WDR17: variants seen among roughly 807,000 people sequenced by gnomAD.
WDR17 encodes the protein WD repeat-containing protein 17.
Under a neutral mutation model 161.7 loss-of-function variants are expected in WDR17, and 143 were observed. The ratio of observed to expected loss-of-function variants is 0.88; its 90% CI spans 0.77 to 1.02. The LOEUF is 1.02. Among genes scored for constraint, WDR17 ranks in the 50% least tolerant of loss-of-function variants. WDR17 has a pLI of 0.00. For synonymous variants in WDR17, 517 were observed against 515.6 expected (o/e 1.00, Z -0.04); for missense variants, 1,469 against 1,520.9 (o/e 0.97, Z 0.57).
At chr4:176,118,594 T>G (rs1311167476) in intron 3 of WDR17, among the ~76,000 whole-genome samples, 3 of 152,162 alleles carry the variant, frequency 2.0e-5, no homozygotes, top group Non-Finnish European at 4.4e-5. Context: ...TTCCACTCTG[T>G]GTCTTTGTTC....
chr4:176,175,780 C>T (rs535016196), intron 26 of WDR17, among the ~76,000 whole-genome samples: 1 of 152,070 alleles, frequency 6.6e-6, no homozygotes, highest in Non-Finnish European at 1.5e-5. Context: ...AGGATGGTCT[C>T]GATCTCCTGA....
chr4:176,122,628 C>T (rs540609082), intron 4 of WDR17, among the ~76,000 whole-genome samples: 11 of 152,086 alleles, frequency 7.2e-5, no homozygotes, highest in Non-Finnish European at 1.6e-4. Flanking sequence ...TATAGCTAGG[C>T]TTCTTACTTT....
intron 2 of WDR17, among the ~76,000 whole-genome samples, chr4:176,115,434 G>GA (rs1005919046): frequency 5.3e-5 from 8 of 151,868 alleles, no homozygotes; most frequent in African/African-American, 1.9e-4. Context: ...AAGTATAAGT[G>GA]AAAAATTGCA....
intron 26 of WDR17, 89 bp downstream of exon 26, chr4:176,174,807 A>C: frequency 1.4e-6 from 1 of 727,338 alleles, no homozygotes; most frequent in South Asian, 2.4e-5. Context: ...CAAAGTATCA[A>C]ATATATTATT....
intron 26 of WDR17, among the ~76,000 whole-genome samples, chr4:176,175,657 A>T (rs970548737): frequency 3.3e-5 from 5 of 152,076 alleles, no homozygotes; most frequent in African/African-American, 1.2e-4. Context: ...TCCCAAGTTC[A>T]CACCATTCTC....
Position 176,097,046 on chromosome 4 carries a change from C to A in WDR17, c.-6-14529C>A, listed in dbSNP as rs960632585. On this transcript the variant is annotated intron_variant, in intron 1 of 28. Coordinates refer to ENST00000508596, the MANE Select transcript of WDR17 (RefSeq NM_181265.4). The stretch of plus-strand genomic sequence containing the variant: ...ATGTTGCATCTGATAAATTTTTAGG[C>A]GGTTAATTAATTATGTTTGAAAACA... Among the ~76,000 whole-genome samples the A allele has an allele frequency of 3.3e-5, 5 of 151,646 alleles. No homozygotes were observed. In the South Asian group the frequency reaches 6.2e-4, roughly 19 times the overall value.
chr4:176,107,513 A>T (rs865808852), intron 1 of WDR17, among the ~76,000 whole-genome samples: 1 of 151,228 alleles, frequency 6.6e-6, no homozygotes, highest in South Asian at 2.1e-4. Context: ...TGTAATAGCT[A>T]AAACATGGAA....
chr4:176,149,959 A>G lies in WDR17; in HGVS notation c.2047+3A>G, dbSNP rs368508667. 15 of 1,612,190 alleles carry G rather than the reference A, an allele frequency of 9.3e-6. No homozygotes were observed. The highest frequency in any genetic ancestry group is 2.2e-5 in the South Asian group (2 of 90,284). On this transcript the variant is annotated splice_donor_region_variant and intron_variant, in intron 14 of 28. Transcript: ENST00000508596. ...GGAAGAAATTATTGGGAACACTGGT[A>G]TGGAACATATACATGTATTAGAGTT... is the stretch of plus-strand genomic sequence containing the variant.
intron 8 of WDR17, 25 bp downstream of exon 8, chr4:176,135,301 G>A: frequency 6.8e-6 from 11 of 1,608,598 alleles, no homozygotes; most frequent in Non-Finnish European, 8.5e-6. Flanking sequence ...ATTGAAATTA[G>A]GAATACAATG....
At chr4:176,169,258 T>C (rs575304729) in intron 23 of WDR17, among the ~76,000 whole-genome samples, 120 of 152,328 alleles carry the variant, frequency 7.9e-4, no homozygotes, top group African/African-American at 2.6e-3. Flanking sequence ...CCAAAGTGCT[T>C]TAAAAATACT....
At chr4:176,136,810 G>A (rs1383598149) in intron 8 of WDR17, among the ~76,000 whole-genome samples, 2 of 151,436 alleles carry the variant, frequency 1.3e-5, no homozygotes, top group Admixed American at 6.6e-5. Context: ...AATATGATGA[G>A]AACATTTTTA....
intron 4 of WDR17, among the ~76,000 whole-genome samples, chr4:176,123,218 A>G (rs965215816): frequency 6.6e-6 from 1 of 152,190 alleles, no homozygotes; most frequent in East Asian, 1.9e-4. Flanking sequence ...GACACTCTCT[A>G]TATAACTGTT....
intron 4 of WDR17, among the ~76,000 whole-genome samples, chr4:176,121,808 T>C (rs1193518358): frequency 6.6e-6 from 1 of 152,180 alleles, no homozygotes; most frequent in Non-Finnish European, 1.5e-5. Flanking sequence ...AAGACTACCT[T>C]TGTTTTCCCT....
intron 4 of WDR17, among the ~76,000 whole-genome samples, chr4:176,121,444 A>G (rs1192062300): frequency 2.0e-5 from 3 of 152,152 alleles, no homozygotes; most frequent in Non-Finnish European, 2.9e-5. Context: ...ACCTCTCTGC[A>G]TTATGTAACC....
chr4:176,173,778 G>C (rs1178452700), intron 25 of WDR17, among the ~76,000 whole-genome samples: 1 of 151,950 alleles, frequency 6.6e-6, no homozygotes, highest in African/African-American at 2.4e-5. Flanking sequence ...GCCTCCCAAA[G>C]TGCTGGGATT....
chr4:176,124,750 A>G (rs189103344), intron 4 of WDR17, among the ~76,000 whole-genome samples: 31 of 152,326 alleles, frequency 2.0e-4, no homozygotes, highest in Middle Eastern at 3.4e-3. Flanking sequence ...CTTCATTTCA[A>G]TAAGCACTTT....
intron 1 of WDR17, among the ~76,000 whole-genome samples, chr4:176,087,729 A>C (rs78406811): frequency 0.012 from 1,775 of 152,304 alleles, 19 homozygotes; most frequent in Non-Finnish European, 0.019. Flanking sequence ...TGTTCCACTG[A>C]ACTAATAGTG....
At chr4:176,144,643 T>G (rs116468753) in intron 11 of WDR17, among the ~76,000 whole-genome samples, 73 of 152,282 alleles carry the variant, frequency 4.8e-4, no homozygotes, top group African/African-American at 1.5e-3. Context: ...TCCTTTATAT[T>G]TAACTATTAT....
chr4:176,072,623 A>T (rs569752731), intron 1 of WDR17, among the ~76,000 whole-genome samples: 4 of 152,270 alleles, frequency 2.6e-5, no homozygotes, highest in South Asian at 2.1e-4. Flanking sequence ...TGATTTTTTT[A>T]AAATTCCTTT....
Sources: gnomAD v4.1 joint callset for allele counts (sites outside exome capture counted in the v4.1 genomes callset) on GRCh38, gnomAD v4.1.1 for gene constraint, MANE v1.5 for transcripts, NCBI Gene and HGNC (gene_info 2026-07-23, HGNC 2026-07-21) for gene names.